KCNQ3: variants seen among roughly 807,000 people sequenced by gnomAD.
KCNQ3 encodes potassium voltage-gated channel subfamily Q member 3, also known as potassium voltage-gated channel subfamily KQT member 3.
Under a neutral mutation model 92.5 loss-of-function variants are expected in KCNQ3, and 30 were observed. The ratio of observed to expected loss-of-function variants is 0.32; its 90% CI spans 0.24 to 0.44. The LOEUF is 0.44. Ranked by LOEUF, KCNQ3 falls within the 20% of genes least tolerant of loss-of-function variation. The pLI is 1.00. For missense variants in KCNQ3, 913 were observed against 1,140.3 expected (o/e 0.80, Z 2.87); for synonymous variants, 450 against 468.8 (o/e 0.96, Z 0.52).
chr8:132,464,426 G>A (rs1822127191), intron 1 of KCNQ3, among the ~76,000 whole-genome samples: 2 of 152,216 alleles, frequency 1.3e-5, no homozygotes, highest in Non-Finnish European at 1.5e-5. Flanking sequence ...AGAGTGTCAT[G>A]TGTTGTATCA....
At chr8:132,247,839 G>T (rs979609313) in intron 1 of KCNQ3, among the ~76,000 whole-genome samples, 2 of 150,910 alleles carry the variant, frequency 1.3e-5, no homozygotes, top group African/African-American at 4.9e-5. Context: ...CAGCCTGATC[G>T]GAACAAAAAG....
intron 12 of KCNQ3, among the ~76,000 whole-genome samples, chr8:132,134,895 C>T (rs1586756854): frequency 6.6e-6 from 1 of 152,132 alleles, no homozygotes; most frequent in South Asian, 2.1e-4. Context: ...ATCACTGCTG[C>T]TCTGTGGGCA....
At chr8:132,292,638 G>T (rs370244289) in intron 1 of KCNQ3, among the ~76,000 whole-genome samples, 2 of 151,592 alleles carry the variant, frequency 1.3e-5, no homozygotes, top group African/African-American at 4.9e-5. Flanking sequence ...TCTGTCTTAG[G>T]TTCAGTAAAA....
intron 1 of KCNQ3, among the ~76,000 whole-genome samples, chr8:132,259,432 A>G (rs1463823454): frequency 6.6e-6 from 1 of 152,136 alleles, no homozygotes; most frequent in Non-Finnish European, 1.5e-5. Context: ...TAGAAAAAGC[A>G]CTGACAAAAC....
chr8:132,299,911 G>T (rs796756265), intron 1 of KCNQ3, among the ~76,000 whole-genome samples: 8 of 152,316 alleles, frequency 5.3e-5, no homozygotes, highest in African/African-American at 1.9e-4. Context: ...AACCAAGTTG[G>T]CTTCTAAAGA....
chr8:132,468,481 A>T (rs375765818), intron 1 of KCNQ3, among the ~76,000 whole-genome samples: 2 of 152,206 alleles, frequency 1.3e-5, no homozygotes, highest in Non-Finnish European at 2.9e-5. Context: ...AGTTCTATGC[A>T]TATTCTGCCT....
At chr8:132,316,069 G>T (rs374297836) in intron 1 of KCNQ3, among the ~76,000 whole-genome samples, 1 of 152,130 alleles carries the variant, frequency 6.6e-6, no homozygotes, top group Non-Finnish European at 1.5e-5. Context: ...GGCTTTTAAC[G>T]TGTGAGTTAC....
At chr8:132,130,910 A>G (rs1824858885) in intron 14 of KCNQ3, among the ~76,000 whole-genome samples, 1 of 152,224 alleles carries the variant, frequency 6.6e-6, no homozygotes, top group South Asian at 2.1e-4. Context: ...CTCACCAGGA[A>G]ACACTGTCGT....
At chr8:132,243,493 G>C (rs1220388641) in intron 1 of KCNQ3, among the ~76,000 whole-genome samples, 1 of 152,212 alleles carries the variant, frequency 6.6e-6, no homozygotes, top group Admixed American at 6.5e-5. Context: ...AGGGCCCAGA[G>C]GGGCTTCAGT....
At chr8:132,141,782 G>A (rs192747673) in intron 9 of KCNQ3, among the ~76,000 whole-genome samples, 7 of 152,276 alleles carry the variant, frequency 4.6e-5, no homozygotes, top group East Asian at 1.9e-4. Context: ...CACAAATGAC[G>A]TAAAGCAGCA....
chr8:132,139,418 T>C (rs1322050695), intron 11 of KCNQ3, among the ~76,000 whole-genome samples: 1 of 152,270 alleles, frequency 6.6e-6, no homozygotes, highest in East Asian at 1.9e-4. Flanking sequence ...GTAACACTAC[T>C]GTGCTTCCCT....
At chr8:132,461,673 G>C (rs1270094506) in intron 1 of KCNQ3, among the ~76,000 whole-genome samples, 3 of 152,156 alleles carry the variant, frequency 2.0e-5, no homozygotes, top group Non-Finnish European at 4.4e-5. Flanking sequence ...CTACATCCTT[G>C]TCAACATTTG....
At chr8:132,154,579 G>T (rs1014845574) in intron 9 of KCNQ3, among the ~76,000 whole-genome samples, 2 of 152,248 alleles carry the variant, frequency 1.3e-5, no homozygotes, top group Admixed American at 6.5e-5. Flanking sequence ...GATGCAGGAG[G>T]CTGGTAAGGT....
At chr8:132,227,845 G>A (rs1166495227) in intron 1 of KCNQ3, among the ~76,000 whole-genome samples, 1 of 152,224 alleles carries the variant, frequency 6.6e-6, no homozygotes, top group Non-Finnish European at 1.5e-5. Flanking sequence ...GGAAGAGGTA[G>A]TCTTTCACAC....
At position 132,358,508 on chromosome 8, in the gene KCNQ3, C is replaced by T. The variant is rs548281409; in HGVS notation, c.386+121639G>A. On this transcript the variant is annotated intron_variant, in intron 1 of 14. Transcript: ENST00000388996. ...AGCTGAGACATGACTTTGGCTCCTT[C>T]CAACTCAAGAATTCTATAATCATCA... Among the ~76,000 whole-genome samples the T allele has an allele frequency of 7.0e-4, 106 of 152,262 alleles. 1 individual carries two copies. In the Middle Eastern group the frequency reaches 0.017, roughly 24 times the overall value.
At chr8:132,282,914 C>T (rs891365698) in intron 1 of KCNQ3, among the ~76,000 whole-genome samples, 4 of 152,118 alleles carry the variant, frequency 2.6e-5, no homozygotes, top group Non-Finnish European at 5.9e-5. Context: ...GAGAAAAAAG[C>T]CGGCAGGAGA....
intron 1 of KCNQ3, among the ~76,000 whole-genome samples, chr8:132,339,699 C>T (rs1818464537): frequency 1.3e-5 from 2 of 152,046 alleles, no homozygotes; most frequent in African/African-American, 2.4e-5. Context: ...AGCAAACAGC[C>T]CCTGTATCCT....
rs186749290 is a variant in KCNQ3, at chr8:132,434,312, T to C, written c.386+45835A>G. ...TCTTTCCATCATCCATCTCCTCCTC[T>C]GTTTTTCTTTGTAGGTTTTATCACT... On this transcript the variant is annotated intron_variant, in intron 1 of 14. Coordinates refer to ENST00000388996, the MANE Select transcript of KCNQ3 (RefSeq NM_004519.4). 9.6e-4 allele frequency among the ~76,000 whole-genome samples: 146 copies of C among 152,346 alleles called. 1 individual carries two copies. The highest frequency in any genetic ancestry group is 8.0e-3 in the Admixed American group (123 of 15,310).
At chr8:132,361,854 G>A (rs1203399122) in intron 1 of KCNQ3, among the ~76,000 whole-genome samples, 1 of 152,032 alleles carries the variant, frequency 6.6e-6, no homozygotes, top group Non-Finnish European at 1.5e-5. Context: ...AAAGATACAC[G>A]CCAAGCAAAG....
Sources: gnomAD v4.1 joint callset for allele counts (sites outside exome capture counted in the v4.1 genomes callset) on GRCh38, gnomAD v4.1.1 for gene constraint, MANE v1.5 for transcripts, NCBI Gene and HGNC (gene_info 2026-07-23, HGNC 2026-07-21) for gene names.